The following TRIM33 variants were observed in gnomAD, a reference collection of about 807,000 sequenced individuals.
The protein encoded by TRIM33 is E3 ubiquitin-protein ligase TRIM33.
A neutral mutation model predicts 125.4 loss-of-function variants in TRIM33; 20 were observed. That is an observed-to-expected ratio of 0.16 (90% CI 0.11 to 0.23). TRIM33 has a LOEUF of 0.23. TRIM33 is among the 10% of genes least tolerant of loss of function. The pLI is 1.00. For synonymous variants in TRIM33, 564 were observed against 513.9 expected (o/e 1.10, Z -1.32); for missense variants, 920 against 1,411.4 (o/e 0.65, Z 5.58).
intron 14 of TRIM33, 70 bp from the exon 15 acceptor site, chr1:114,405,829 C>T: frequency 7.6e-7 from 1 of 1,321,766 alleles, no homozygotes; most frequent in Non-Finnish European, 1.1e-6. Flanking sequence ...GTGTATTTAA[C>T]AGTTATGTGA....
rs527615130 is a variant in TRIM33 at position 114,464,362 on chromosome 1, G to A, written c.553C>T (p.Arg185Cys). The A allele has an allele frequency of 1.9e-6, 3 of 1,605,494 alleles. No homozygotes were observed. The highest frequency in any genetic ancestry group is 2.2e-5 in the East Asian group (1 of 44,522). ...QVGVIRCPVC[R>C]QECRQIDLVD... ...AGGTCTATCTGTCTGCATTCTTGGC[G>A]GCATACTGGGCACCGTATTACACCA... Residue 185 changes from arginine (R) to cysteine (C), a missense_variant, in exon 2 of 20, where the codon CGC (arginine) becomes TGC (cysteine). By Grantham distance (180) the Arg-to-Cys change is radical. This residue lies in a region of TRIM33 where 75 missense variants were observed against 123.9 expected (regional missense o/e 0.61). Coordinates refer to ENST00000358465, the MANE Select transcript of TRIM33 (RefSeq NM_015906.4).
chr1:114,505,684 C>T (rs145620189), intron 1 of TRIM33, among the ~76,000 whole-genome samples: 1,952 of 152,326 alleles, frequency 0.013, 22 homozygotes, highest in Middle Eastern at 0.044. Context: ...TCTCCTACCT[C>T]GGCCTCCCGA....
chr1:114,487,451 CTAAAGA>C (rs1651771680), intron 1 of TRIM33, among the ~76,000 whole-genome samples: 1 of 150,258 alleles, frequency 6.7e-6, no homozygotes, highest in Non-Finnish European at 1.5e-5. Context: ...TGAAGGACAA[CTAAAGA>C]TATTCTCAGA....
chr1:114,421,494 A>T lies in TRIM33; in HGVS notation c.2003T>A (p.Ile668Asn). 1 of 1,614,120 alleles carries T rather than the reference A, an allele frequency of 6.2e-7. No individual in the cohort carries two copies. The highest frequency in any genetic ancestry group is 8.5e-7 in the Non-Finnish European group (1 of 1,180,030). The change falls in exon 11 of 20, where the codon ATC becomes AAC. Residue 668 changes from isoleucine (I) to asparagine (N), a missense_variant. Ile to Asn is a moderately radical substitution (Grantham distance 149, BLOSUM62 -3). Coordinates refer to ENST00000358465, the MANE Select transcript of TRIM33 (RefSeq NM_015906.4). ...GTTTTCTGGATTGGTAACTGAGGGG[A>T]TTAGCTCTATTGCTGTAACAGATGG... ...TSPSVTAIEL[I>N]PSVTNPENLP...
chr1:114,427,603 G>A (rs1647674738), intron 7 of TRIM33, 145 bp downstream of exon 7: 1 of 755,882 alleles, frequency 1.3e-6, no homozygotes, highest in Non-Finnish European at 2.0e-6. Flanking sequence ...GGAAACTTTG[G>A]GGGGTGGTGG....
chr1:114,497,430 G>A (rs888632990), intron 1 of TRIM33, among the ~76,000 whole-genome samples: 5 of 152,066 alleles, frequency 3.3e-5, no homozygotes, highest in Admixed American at 2.6e-4. Flanking sequence ...CCAAGTAGCT[G>A]AGATTACAGG....
chr1:114,507,387 G>A (rs1257988566), intron 1 of TRIM33, among the ~76,000 whole-genome samples: 2 of 152,160 alleles, frequency 1.3e-5, no homozygotes, highest in Non-Finnish European at 2.9e-5. Context: ...ACAGCCAGAG[G>A]GTGTGAATAA....
chr1:114,509,230 G>A (rs1213653353), intron 1 of TRIM33, among the ~76,000 whole-genome samples: 2 of 152,156 alleles, frequency 1.3e-5, no homozygotes, highest in African/African-American at 4.8e-5. Context: ...ACACTCTACA[G>A]GATGAATTCC....
intron 1 of TRIM33, among the ~76,000 whole-genome samples, chr1:114,471,203 A>C (rs982638386): frequency 1.3e-5 from 2 of 152,214 alleles, no homozygotes; most frequent in African/African-American, 4.8e-5. Flanking sequence ...AATTCCAGCG[A>C]TTTGGAAGGC....
intron 6 of TRIM33, 33 bp from the exon 7 acceptor site, chr1:114,427,927 C>G: frequency 6.2e-7 from 1 of 1,603,660 alleles, no homozygotes; most frequent in Non-Finnish European, 8.5e-7. Flanking sequence ...CTGTAGAATT[C>G]CATATGAAAA....
chr1:114,445,471 G>A (rs1308025918), intron 4 of TRIM33, among the ~76,000 whole-genome samples: 1 of 152,038 alleles, frequency 6.6e-6, no homozygotes, highest in Non-Finnish European at 1.5e-5. Context: ...GAACCCCTGG[G>A]GTAAAGTGAT....
rs190714960 is a variant in TRIM33, at chr1:114,394,116, T to A, written c.*3532A>T. 2.8e-4 allele frequency: 65 copies of A among 228,764 alleles called. No individual in the cohort carries two copies. The highest frequency in any genetic ancestry group is 4.9e-4 in the Non-Finnish European group (56 of 115,070). The allele number at this position is 228,764 out of a possible 1,614,324, so 14.2% of individuals were successfully genotyped here. A position where few individuals can be genotyped will look rare whatever the true frequency, so the allele number is the denominator to read the frequency against. ...ACATAGATGGTACAGAAATTAAGAA[T>A]TCATGGTATGAATTAAGAATCTGTT... is the stretch of plus-strand genomic sequence containing the variant. On this transcript the variant is annotated 3_prime_UTR_variant, in exon 20 of 20. Coordinates refer to ENST00000358465, the MANE Select transcript of TRIM33 (RefSeq NM_015906.4).
At chr1:114,485,475 CT>C (rs1326679358) in intron 1 of TRIM33, among the ~76,000 whole-genome samples, 1 of 152,120 alleles carries the variant, frequency 6.6e-6, no homozygotes, top group East Asian at 1.9e-4. Context: ...GACTCCACCC[CT>C]ATTATGTAGC....
intron 1 of TRIM33, among the ~76,000 whole-genome samples, chr1:114,490,225 G>A (rs1415013289): frequency 6.6e-6 from 1 of 151,680 alleles, no homozygotes; most frequent in Non-Finnish European, 1.5e-5. Context: ...ATTAAATAAT[G>A]GACAAAAGTC....
intron 1 of TRIM33, among the ~76,000 whole-genome samples, chr1:114,472,310 T>TA (rs2101437410): frequency 6.6e-6 from 1 of 152,292 alleles, no homozygotes; most frequent in South Asian, 2.1e-4. Context: ...CAAAGTGAAA[T>TA]AATTGCTAAT....
chr1:114,497,342 G>C (rs973552642), intron 1 of TRIM33, among the ~76,000 whole-genome samples: 1 of 152,008 alleles, frequency 6.6e-6, no homozygotes, highest in African/African-American at 2.4e-5. Flanking sequence ...TATTGCCCAG[G>C]CTGGAGTGCA....
At chr1:114,402,059 T>C (rs35031220) in intron 16 of TRIM33, among the ~76,000 whole-genome samples, 22,245 of 152,224 alleles carry the variant, frequency 0.15, 1,904 homozygotes, top group Non-Finnish European at 0.19. Context: ...TTTACCAGTA[T>C]ATACACCAGA....
intron 11 of TRIM33, among the ~76,000 whole-genome samples, chr1:114,419,921 T>A (rs976293306): frequency 6.6e-6 from 1 of 152,184 alleles, no homozygotes; most frequent in Non-Finnish European, 1.5e-5. Flanking sequence ...TATAGAAATA[T>A]CTTTTAAAAC....
intron 4 of TRIM33, among the ~76,000 whole-genome samples, chr1:114,438,952 G>A (rs1648477286): frequency 6.6e-6 from 1 of 152,202 alleles, no homozygotes; most frequent in Non-Finnish European, 1.5e-5. Context: ...CAGAGAGTAG[G>A]AAATGTGAGC....
Sources: gnomAD v4.1 joint callset for allele counts (sites outside exome capture counted in the v4.1 genomes callset) on GRCh38, gnomAD v4.1.1 for gene constraint, gnomAD v4.1.1 regional missense constraint, MANE v1.5 for transcripts, NCBI Gene and HGNC (gene_info 2026-07-23, HGNC 2026-07-21) for gene names.